The following MLYCD variants were observed in gnomAD, a reference collection of about 807,000 sequenced individuals.
MLYCD encodes the protein malonyl-CoA decarboxylase, mitochondrial.
In MLYCD, 27 loss-of-function variants were observed where a neutral mutation model predicts 35.8. The ratio of observed to expected loss-of-function variants is 0.75; its 90% CI spans 0.56 to 1.04. MLYCD has a LOEUF of 1.04. Ranked by LOEUF, MLYCD falls within the 50% of genes least tolerant of loss-of-function variation. MLYCD has a pLI of 0.00. For missense variants in MLYCD, 917 were observed against 665.1 expected, an observed-to-expected ratio of 1.38 and a Z score of -4.17; for synonymous variants, 403 against 302.4, an observed-to-expected ratio of 1.33 and a Z score of -3.45.
chr16:83,912,173 C>T (rs1175162703), intron 3 of MLYCD, 45 bp from the exon 4 acceptor site: 4 of 1,611,338 alleles, frequency 2.5e-6, no homozygotes, highest in African/African-American at 2.7e-5. Flanking sequence ...TCGTGGGCTG[C>T]AGAGCGGCCA....
In MLYCD at chr16:83,914,971, C is replaced by T; in HGVS notation, c.964C>T (p.Leu322Phe). 6.2e-7 allele frequency: 1 copy of T among 1,614,232 alleles called. No individual in the cohort carries two copies. Among genetic ancestry groups the T allele is most frequent in the Non-Finnish European group, 8.5e-7 (1 of 1,180,042 alleles). Residue 322 changes from leucine to phenylalanine, a missense_variant, in exon 5 of 5, where the codon CTT (leucine) becomes TTT (phenylalanine). Leu to Phe is a conservative substitution (Grantham distance 22, BLOSUM62 0). Coordinates refer to ENST00000262430, the MANE Select transcript of MLYCD (RefSeq NM_012213.3). ...TGCTTTACAGAGAGAGTTTCCTCAC[C>T]TTGGGGTGTTTTCAAGTCTGTCACC... is the stretch of plus-strand genomic sequence containing the variant. ...VKELQREFPH[L>F]GVFSSLSPIP...
chr16:83,911,254 A>T (rs1907170190), intron 3 of MLYCD, among the ~76,000 whole-genome samples: 1 of 152,204 alleles, frequency 6.6e-6, no homozygotes, highest in Admixed American at 6.5e-5. Flanking sequence ...CTGGGATTAC[A>T]GGCGTGAGCC....
chr16:83,900,582 A>ATTTTT (rs1156957811), intron 1 of MLYCD, among the ~76,000 whole-genome samples: 32 of 121,050 alleles, frequency 2.6e-4, no homozygotes, highest in Middle Eastern at 5.3e-3. Context: ...TGCCCGGCTA[A>ATTTTT]TTTTTTTTTT....
At chr16:83,911,519 T>C (rs2151058456) in intron 3 of MLYCD, among the ~76,000 whole-genome samples, 1 of 152,206 alleles carries the variant, frequency 6.6e-6, no homozygotes, top group African/African-American at 2.4e-5. Flanking sequence ...TGCTTCGGAG[T>C]ATAAGGGATT....
rs1597296950 is a variant in MLYCD, at chr16:83,916,931, C to T, written c.*1442C>T. The T allele has an allele frequency of 7.4e-6, 1 of 135,016 alleles. No homozygotes were observed. The highest frequency in any genetic ancestry group is 2.9e-5 in the African/African-American group (1 of 33,998). 8.4% of individuals were successfully genotyped at this position (135,016 alleles called of 1,614,324 possible). A position where few individuals can be genotyped will look rare whatever the true frequency, so the allele number is the denominator to read the frequency against. ...TGTGCACGAGCGTCTCTGTGTGGAT[C>T]AGTGCACGTCTGTGTGCGTGTGCAC... is the stretch of plus-strand genomic sequence containing the variant. On this transcript the variant is annotated 3_prime_UTR_variant, in exon 5 of 5. Transcript: ENST00000262430.
chr16:83,912,178 C>T (rs759776088), intron 3 of MLYCD, 40 bp from the exon 4 acceptor site: 27 of 1,613,618 alleles, frequency 1.7e-5, no homozygotes, highest in Middle Eastern at 1.6e-4. Flanking sequence ...GGCTGCAGAG[C>T]GGCCAGGCCA....
intron 1 of MLYCD, among the ~76,000 whole-genome samples, chr16:83,903,775 A>T (rs559104193): frequency 6.6e-6 from 1 of 152,188 alleles, no homozygotes; most frequent in South Asian, 2.1e-4. Context: ...TGAAAAAAAA[A>T]ATAAGAAACA....
rs141024082 is a variant in MLYCD at position 83,917,980 on chromosome 16, C to T, written c.*2491C>T. ...GAGGACGGGCTCAGGTGACATCTGC[C>T]GAGGCTTTGGCTCACCAGAGGAGTT... On this transcript the variant is annotated 3_prime_UTR_variant, in exon 5 of 5. Transcript: ENST00000262430. 3 of 152,304 alleles carry T rather than the reference C, an allele frequency of 2.0e-5. No individual in the cohort carries two copies. The highest frequency in any genetic ancestry group is 1.9e-4 in the East Asian group (1 of 5,182). 9.4% of individuals were successfully genotyped at this position (152,304 alleles called of 1,614,324 possible).
At chr16:83,905,878 G>A (rs1298065918) in intron 1 of MLYCD, among the ~76,000 whole-genome samples, 1 of 152,222 alleles carries the variant, frequency 6.6e-6, no homozygotes, top group African/African-American at 2.4e-5. Flanking sequence ...GCAGCACCGA[G>A]GCGACGCTGC....
rs954607068 is a variant in MLYCD, at chr16:83,915,372, C to A, written c.1365C>A (p.Arg455=). 1.9e-6 allele frequency: 3 copies of A among 1,613,754 alleles called. No individual in the cohort carries two copies. The highest frequency in any genetic ancestry group is 2.7e-5 in the African/African-American group (2 of 74,942). ...TGSCGLMANY[R]YFLEETGPNS... ...CCTGCGGCCTGATGGCCAACTACCG[C>A]TACTTCCTGGAGGAGACGGGCCCCA... is the stretch of plus-strand genomic sequence containing the variant. Residue 455 remains arginine (R), a synonymous_variant, in exon 5 of 5, where the codon CGC becomes CGA. Transcript: ENST00000262430.
At position 83,908,120 on chromosome 16, in the gene MLYCD, C is replaced by T; in HGVS notation, c.642-6C>T. 1.9e-6 allele frequency: 3 copies of T among 1,614,222 alleles called. No homozygotes were observed. The highest frequency in any genetic ancestry group is 2.5e-6 in the Non-Finnish European group (3 of 1,180,018). ...TTGTCTTGTCTCTTTATAAATTCCG[C>T]CCCAGGGCTGAGGCTGTGCATCCTG... On this transcript the variant is annotated splice_polypyrimidine_tract_variant and splice_region_variant and intron_variant, in intron 2 of 4. Coordinates refer to ENST00000262430, the MANE Select transcript of MLYCD (RefSeq NM_012213.3).
rs1478450640 is a variant in MLYCD at position 83,915,917 on chromosome 16, T to C, written c.*428T>C. The C allele has an allele frequency of 4.6e-6, 5 of 1,081,980 alleles. No homozygotes were observed. The highest frequency in any genetic ancestry group is 1.4e-4 in the East Asian group (2 of 14,714). The allele number at this position is 1,081,980 out of a possible 1,614,324, so 67.0% of individuals were successfully genotyped here. On this transcript the variant is annotated 3_prime_UTR_variant, in exon 5 of 5. Transcript: ENST00000262430. Reference sequence around the variant, plus strand: ...GTTCCTTTGTGCTCATAAAACAGAATGCGGCGATGGTTGCTTTAGCCGTTT... The same window carrying C: ...GTTCCTTTGTGCTCATAAAACAGAACGCGGCGATGGTTGCTTTAGCCGTTT...
chr16:83,902,548 C>T (rs1262592708), intron 1 of MLYCD, among the ~76,000 whole-genome samples: 1 of 149,312 alleles, frequency 6.7e-6, no homozygotes, highest in Non-Finnish European at 1.5e-5. Context: ...CTCTGTTGCC[C>T]AGGCTGGAGT....
chr16:83,906,690 A>T (rs1906987632), intron 1 of MLYCD, among the ~76,000 whole-genome samples: 1 of 152,080 alleles, frequency 6.6e-6, no homozygotes, highest in African/African-American at 2.4e-5. Context: ...TGGTGAACGA[A>T]TTGGAAGATA....
chr16:83,900,215 A>G (rs60100531), intron 1 of MLYCD, among the ~76,000 whole-genome samples: 28,551 of 152,070 alleles, frequency 0.19, 2,828 homozygotes, highest in East Asian at 0.26. Flanking sequence ...TCTGTGCTCC[A>G]TGACTTTTGG....
Position 83,915,243 on chromosome 16 carries a change from C to A in MLYCD, c.1236C>A (p.Arg412=), listed in dbSNP as rs370278897. 1 of 1,612,932 alleles carries A rather than the reference C, an allele frequency of 6.2e-7. No homozygotes were observed. The highest frequency in any genetic ancestry group is 8.5e-7 in the Non-Finnish European group (1 of 1,179,034). The change falls in exon 5 of 5, where the codon CGC becomes CGA. Residue 412 remains arginine (R), a synonymous_variant. Transcript: ENST00000262430. ...CAWYLYGEKH[R]GYALNPVANF... is the part of the protein sequence containing the mutation. ...GGTACCTGTATGGAGAGAAGCACCG[C>A]GGCTACGCGCTGAACCCCGTGGCCA...
intron 4 of MLYCD, 156 bp downstream of exon 4, chr16:83,912,523 C>T: frequency 3.2e-6 from 3 of 947,136 alleles, no homozygotes; most frequent in Non-Finnish European, 4.9e-6. Context: ...CCCTTGGCAA[C>T]TCCTAGGAGC....
chr16:83,904,597 A>G (rs572314985), intron 1 of MLYCD, among the ~76,000 whole-genome samples: 4 of 152,352 alleles, frequency 2.6e-5, no homozygotes, highest in African/African-American at 7.2e-5. Flanking sequence ...TTTGCGAACT[A>G]TAAAAATGAA....
chr16:83,907,361 A>T (rs1907016736), intron 2 of MLYCD, among the ~76,000 whole-genome samples: 1 of 152,182 alleles, frequency 6.6e-6, no homozygotes, highest in African/African-American at 2.4e-5. Flanking sequence ...GTGTCCTCTT[A>T]TTTAAAGCAA....
Sources: allele counts gnomAD v4.1 joint callset (sites outside exome capture counted in the v4.1 genomes callset), GRCh38; gene constraint gnomAD v4.1.1; transcripts MANE v1.5; gene names NCBI Gene and HGNC (gene_info 2026-07-23, HGNC 2026-07-21).